Variants in SPEG observed in about 807,000 individuals in gnomAD.
SPEG encodes striated muscle enriched protein kinase.
A neutral mutation model predicts 300.4 loss-of-function variants in SPEG; 114 were observed. That is an observed-to-expected ratio of 0.38 (90% CI 0.33 to 0.44). SPEG has a LOEUF of 0.44. Ranked by LOEUF, SPEG falls within the 20% of genes least tolerant of loss-of-function variation. The pLI, the probability that SPEG is intolerant of heterozygous loss-of-function variation, is 1.00. For missense variants in SPEG, 4,201 were observed against 4,586.2 expected, an observed-to-expected ratio of 0.92 and a Z score of 2.43; for synonymous variants, 1,964 against 2,018.9, an observed-to-expected ratio of 0.97 and a Z score of 0.73.
chr2:219,483,343 G>A lies in SPEG; in HGVS notation c.5880G>A (p.Leu1960=), dbSNP rs1220783638. The A allele has an allele frequency of 5.0e-6, 8 of 1,605,170 alleles. No individual in the cohort carries two copies. The highest frequency in any genetic ancestry group is 5.9e-6 in the Non-Finnish European group (7 of 1,176,510). ...ACATTCCCACTGAGGATGAGGCCCT[G>A]GGGACCCCAGAGACTGGGGCTGCCA... ...LTDIPTEDEA[L]GTPETGAATP... is the part of the protein sequence containing the mutation. Residue 1960 remains leucine, a synonymous_variant, in exon 30 of 41, where the codon CTG becomes CTA. Coordinates refer to ENST00000312358, the MANE Select transcript of SPEG (RefSeq NM_005876.5).
chr2:219,481,326 G>A lies in SPEG; in HGVS notation c.5392G>A (p.Val1798Ile). 4 of 1,614,106 alleles carry A rather than the reference G, an allele frequency of 2.5e-6. No homozygotes were observed. Among genetic ancestry groups the A allele is most frequent in the Non-Finnish European group, 3.4e-6 (4 of 1,180,032 alleles). Reference protein sequence around the residue: ...FLCLTGISPFVGENDRTTLMN... With the variant: ...FLCLTGISPFIGENDRTTLMN... Reference sequence around the variant, plus strand: ...CAGTCTGACAGGAATCTCCCCGTTTGTTGGGGAAAATGACCGGACAACATT... The same window carrying A: ...CAGTCTGACAGGAATCTCCCCGTTTATTGGGGAAAATGACCGGACAACATT... Residue 1798 changes from valine to isoleucine, a missense_variant, in exon 27 of 41, where the codon GTT (valine) becomes ATT (isoleucine). Physicochemically the swap from Val to Ile is conservative, Grantham distance 29 (BLOSUM62 3). Around this residue, in one of 4 missense-constraint regions of SPEG, gnomAD observed 1,047 missense variants for 1,356.8 expected, o/e 0.77. Coordinates refer to ENST00000312358, the MANE Select transcript of SPEG (RefSeq NM_005876.5). This position sits in a 1 kb window ranked among gnomAD's most constrained non-coding sequence, Gnocchi z 5.4.
In SPEG at chr2:219,488,803, A is replaced by G. The variant is rs774823988; in HGVS notation, c.8052A>G (p.Pro2684=). Residue 2684 remains proline, a synonymous_variant, in exon 34 of 41, where the codon CCA becomes CCG. Coordinates refer to ENST00000312358, the MANE Select transcript of SPEG (RefSeq NM_005876.5). ...VARVPGKLAP[P]EVPQTYQDTA... Reference sequence around the variant, plus strand: ...GAGTCCCAGGAAAGCTAGCTCCTCCAGAGGTACCCCAGACCTACCAGGACA... The same window carrying G: ...GAGTCCCAGGAAAGCTAGCTCCTCCGGAGGTACCCCAGACCTACCAGGACA... The G allele has an allele frequency of 6.9e-6, 11 of 1,601,040 alleles. No homozygotes were observed. In the South Asian group the frequency reaches 8.9e-5, roughly 13 times the overall value.
intron 3 of SPEG, among the ~76,000 whole-genome samples, chr2:219,446,217 G>C (rs867206078): frequency 6.6e-6 from 1 of 152,156 alleles, no homozygotes; most frequent in Admixed American, 6.5e-5. Flanking sequence ...GCCTTACCCG[G>C]TGTTCCTGTG....
chr2:219,460,986 A>C, intron 6 of SPEG: 2 of 982,940 alleles, frequency 2.0e-6, no homozygotes, highest in Non-Finnish European at 2.4e-6. Context: ...GTCTGTGTGC[A>C]GAGCCTCGGG....
Position 219,481,275 on chromosome 2 carries a change from C to G in SPEG, c.5370-29C>G. On this transcript the variant is annotated intron_variant, in intron 26 of 40. Transcript: ENST00000312358. This position sits in a 1 kb window ranked among gnomAD's most constrained non-coding sequence, Gnocchi z 5.4. ...ACATTCCCCTTTGTCCCCGCCTGCCCCTCATGACAGCCCTCTTCACCCCTG... is the reference window on the plus strand; with the variant it reads ...ACATTCCCCTTTGTCCCCGCCTGCCGCTCATGACAGCCCTCTTCACCCCTG... The G allele has an allele frequency of 6.2e-7, 1 of 1,610,952 alleles. No individual in the cohort carries two copies. Among genetic ancestry groups the G allele is most frequent in the Non-Finnish European group, 8.5e-7 (1 of 1,178,032 alleles).
chr2:219,462,679 G>C (rs1003772019), intron 8 of SPEG, among the ~76,000 whole-genome samples: 9 of 152,266 alleles, frequency 5.9e-5, no homozygotes, highest in African/African-American at 2.2e-4. Flanking sequence ...CATTTTGAGA[G>C]GTGAGGCGAA....
chr2:219,452,179 G>A (rs1689813731), intron 6 of SPEG, among the ~76,000 whole-genome samples: 1 of 152,172 alleles, frequency 6.6e-6, no homozygotes, highest in Admixed American at 6.5e-5. Context: ...CAGGGTTTAA[G>A]AGCCACCACA....
Position 219,477,188 on chromosome 2 carries a change from G to A in SPEG, c.4561-89G>A. 1.1e-5 allele frequency: 4 copies of A among 366,560 alleles called. No individual in the cohort carries two copies. In the East Asian group the frequency reaches 2.5e-4, roughly 23 times the overall value. The allele number at this position is 366,560 out of a possible 1,614,324, so 22.7% of individuals were successfully genotyped here. A position where few individuals can be genotyped will look rare whatever the true frequency, so the allele number is the denominator to read the frequency against. Reference sequence around the variant, plus strand: ...GAGCTGACTCTGGGTCCTGGTGAGAGATGCGCTGCCCAGAGTAGGAGATGA... The same window carrying A: ...GAGCTGACTCTGGGTCCTGGTGAGAAATGCGCTGCCCAGAGTAGGAGATGA... On this transcript the variant is annotated intron_variant, in intron 19 of 40. Transcript: ENST00000312358. The surrounding 1 kb of genome is among the most constrained non-coding windows in gnomAD (Gnocchi z 6.4).
Position 219,464,492 on chromosome 2 carries a change from G to A in SPEG, c.2765G>A (p.Gly922Asp). 1 of 1,613,990 alleles carries A rather than the reference G, an allele frequency of 6.2e-7. No individual in the cohort carries two copies. Among genetic ancestry groups the A allele is most frequent in the Non-Finnish European group, 8.5e-7 (1 of 1,180,022 alleles). Residue 922 changes from glycine (G) to aspartate (D), a missense_variant, in exon 9 of 41, where the codon GGT (glycine) becomes GAT (aspartate). Physicochemically the swap from Gly to Asp is moderately conservative, Grantham distance 94. Transcript: ENST00000312358. This position sits in a 1 kb window ranked among gnomAD's most constrained non-coding sequence, Gnocchi z 4.5. ...DQRRFAEEAE[G>D]GLCRLRILAA... ...CGGCGCTTTGCGGAGGAGGCTGAGG[G>A]TGGGCTGTGCCGGCTGCGGATCCTG...
At chr2:219,457,950 C>T (rs1467644387) in intron 6 of SPEG, among the ~76,000 whole-genome samples, 3 of 152,210 alleles carry the variant, frequency 2.0e-5, no homozygotes, top group East Asian at 3.9e-4. Flanking sequence ...GGCCAAAAGT[C>T]ATCTCCCGCC....
chr2:219,460,890 T>C (rs1690621443), intron 6 of SPEG: 3 of 985,974 alleles, frequency 3.0e-6, no homozygotes, highest in South Asian at 9.4e-5. Flanking sequence ...TCCTGCTCCC[T>C]GGGGAGCCAC....
At position 219,468,947 on chromosome 2, in the gene SPEG, C is replaced by T. The variant is rs371373509; in HGVS notation, c.3390C>T (p.Asp1130=). 1.9e-5 allele frequency: 31 copies of T among 1,613,842 alleles called. No individual in the cohort carries two copies. Among genetic ancestry groups the T allele is most frequent in the African/African-American group, 6.7e-5 (5 of 74,922 alleles). The change falls in exon 12 of 41, where the codon GAC becomes GAT. Residue 1130 remains aspartate, a synonymous_variant. Transcript: ENST00000312358. ...ACATTGCCCATGTGGGCAGCGAGGA[C>T]GAGGGGCTCTATGCGGTCAGTGCTG... ...SLHIAHVGSE[D]EGLYAVSAVN...
At position 219,492,320 on chromosome 2, in the gene SPEG, C is replaced by T. The variant is rs570411250; in HGVS notation, c.9611+60C>T. 1.9e-3 allele frequency: 2,868 copies of T among 1,545,434 alleles called. 8 individuals carry two copies. Among genetic ancestry groups the T allele is most frequent in the Non-Finnish European group, 2.4e-3 (2,684 of 1,131,552 alleles). ...TACCTGCCCCTGGCCTGGCCTGTGC[C>T]AGAGATCTCCCAGCTCCTCCCCTGC... On this transcript the variant is annotated intron_variant, in intron 40 of 40. Coordinates refer to ENST00000312358, the MANE Select transcript of SPEG (RefSeq NM_005876.5).
Position 219,467,357 on chromosome 2 carries a change from G to T in SPEG, c.3065G>T (p.Arg1022Leu), listed in dbSNP as rs771736920. 12 of 1,612,138 alleles carry T rather than the reference G, an allele frequency of 7.4e-6. No homozygotes were observed. The highest frequency in any genetic ancestry group is 1.3e-5 in the African/African-American group (1 of 74,950). The change falls in exon 10 of 41, where the codon CGC becomes CTC. Residue 1022 changes from arginine to leucine, a missense_variant. Physicochemically the swap from Arg to Leu is moderately radical, Grantham distance 102 (BLOSUM62 -2). Around this residue, in one of 4 missense-constraint regions of SPEG, gnomAD observed 1,047 missense variants for 1,356.8 expected, o/e 0.77. Transcript: ENST00000312358. ...AAATGCAAGATGCATTTCGATGGCC[G>T]CAAATGCAAGCTGCTACTTACATCT... ...LLKCKMHFDG[R>L]KCKLLLTSVH...
In SPEG at chr2:219,477,925, G is replaced by C; in HGVS notation, c.4847G>C (p.Arg1616Pro). Residue 1616 changes from arginine (R) to proline (P), a missense_variant, in exon 22 of 41, where the codon CGG becomes CCG. Transcript: ENST00000312358. This position sits in a 1 kb window ranked among gnomAD's most constrained non-coding sequence, Gnocchi z 6.4. ...EIGRGAFSYL[R>P]RIVERSSGLE... ...ACCAGGGGTGCTTTCTCCTACTTGC[G>C]GCGCATAGTGGAGCGTAGCTCCGGC... 6.2e-7 allele frequency: 1 copy of C among 1,614,114 alleles called. No homozygotes were observed. Among genetic ancestry groups the C allele is most frequent in the Non-Finnish European group, 8.5e-7 (1 of 1,180,006 alleles).
chr2:219,469,093 C>A (rs1691641495), intron 12 of SPEG, 45 bp downstream of exon 12: 2 of 1,607,344 alleles, frequency 1.2e-6, no homozygotes, highest in South Asian at 2.2e-5. Flanking sequence ...CTGTGAGGGG[C>A]CAGCCCAGCC....
chr2:219,443,047 G>C lies in SPEG; in HGVS notation c.389-1606G>C. ...TTGATGTTGCAGGTCTGGATGGGAG[G>C]CACAGGGACCTTAGGAACAAGCCTC... On this transcript the variant is annotated intron_variant, in intron 1 of 40. Transcript: ENST00000312358. This position sits in a 1 kb window ranked among gnomAD's most constrained non-coding sequence, Gnocchi z 4.6. The C allele has an allele frequency of 7.1e-7, 1 of 1,408,206 alleles. No individual in the cohort carries two copies. The allele number at this position is 1,408,206 out of a possible 1,614,324, so 87.2% of individuals were successfully genotyped here.
intron 1 of SPEG, among the ~76,000 whole-genome samples, chr2:219,437,582 A>G (rs1954751736): frequency 2.0e-5 from 3 of 152,148 alleles, no homozygotes; most frequent in African/African-American, 7.2e-5. Flanking sequence ...GGCTGCAGCA[A>G]ATAACCTTTG....
chr2:219,461,194 C>T, intron 6 of SPEG: 4 of 986,100 alleles, frequency 4.1e-6, no homozygotes, highest in Non-Finnish European at 4.8e-6. Flanking sequence ...CTGGTGCCCC[C>T]CTCCTCTTCC....
Sources: allele counts gnomAD v4.1 joint callset (sites outside exome capture counted in the v4.1 genomes callset), GRCh38; gene constraint gnomAD v4.1.1; regional missense constraint gnomAD v4.1.1; non-coding constraint Gnocchi (gnomAD v3.1); transcripts MANE v1.5; gene names NCBI Gene and HGNC (gene_info 2026-07-23, HGNC 2026-07-21).